CDH22: variants seen among roughly 807,000 people sequenced by gnomAD.
CDH22 encodes cadherin-22.
CDH22 carries 30 observed loss-of-function variants against 58.4 expected under a neutral mutation model. The ratio of observed to expected loss-of-function variants is 0.51; its 90% CI spans 0.38 to 0.70. The LOEUF is 0.70. Among genes scored for constraint, CDH22 ranks in the 30% least tolerant of loss-of-function variants. The pLI is 0.00. For missense variants in CDH22, 1,014 were observed against 1,233.9 expected, an observed-to-expected ratio of 0.82 and a Z score of 2.67; for synonymous variants, 513 against 558.2, an observed-to-expected ratio of 0.92 and a Z score of 1.14.
intron 1 of CDH22, among the ~76,000 whole-genome samples, chr20:46,307,212 C>T (rs1291827351): frequency 1.3e-5 from 2 of 152,226 alleles, no homozygotes; most frequent in Non-Finnish European, 2.9e-5. Context: ...CAAACAGCAG[C>T]TTCTCTGCCC....
chr20:46,299,594 C>T (rs954877593), intron 1 of CDH22, among the ~76,000 whole-genome samples: 2 of 151,412 alleles, frequency 1.3e-5, no homozygotes, highest in Non-Finnish European at 2.9e-5. Context: ...CACGCCTGTG[C>T]GAGACTCCGT....
intron 2 of CDH22, among the ~76,000 whole-genome samples, chr20:46,245,595 A>T (rs560344381): frequency 6.6e-6 from 1 of 152,212 alleles, no homozygotes; most frequent in Non-Finnish European, 1.5e-5. Context: ...AGGGCCAAGC[A>T]TCTGGCTGTT....
chr20:46,235,253 G>T (rs2086244882), intron 3 of CDH22, among the ~76,000 whole-genome samples: 1 of 152,220 alleles, frequency 6.6e-6, no homozygotes, highest in Non-Finnish European at 1.5e-5. Context: ...GTTGAGCTGG[G>T]TGTGGGAGAC....
intron 1 of CDH22, among the ~76,000 whole-genome samples, chr20:46,297,058 T>C (rs2086632028): frequency 6.6e-6 from 1 of 152,064 alleles, no homozygotes; most frequent in African/African-American, 2.4e-5. Context: ...CTGGCTGAGT[T>C]GATGCAGAGA....
intron 8 of CDH22, among the ~76,000 whole-genome samples, chr20:46,198,059 T>C (rs1054703479): frequency 1.3e-5 from 2 of 152,090 alleles, no homozygotes; most frequent in African/African-American, 2.4e-5. Context: ...GCTCTGTTGA[T>C]GCCTGAGACC....
At position 46,308,017 on chromosome 20, in the gene CDH22, G is replaced by C. The variant is rs1555809072; in HGVS notation, c.-400+238C>G. On this transcript the variant is annotated intron_variant, in intron 1 of 11. Transcript: ENST00000537909. This position sits in a 1 kb window ranked among gnomAD's most constrained non-coding sequence, Gnocchi z 4.3. ...AGCTGCGGGCTTCGGGCCGAGAGGC[G>C]GCTCGGCTCCGCGCCGGGGAAAGTT... Among the ~76,000 whole-genome samples the C allele has an allele frequency of 6.6e-6, 1 of 151,716 alleles. No individual in the cohort carries two copies. Among genetic ancestry groups the C allele is most frequent in the African/African-American group, 2.4e-5 (1 of 41,356 alleles).
At chr20:46,186,185 A>C (rs559453663) in intron 10 of CDH22, among the ~76,000 whole-genome samples, 26 of 148,992 alleles carry the variant, frequency 1.7e-4, no homozygotes, top group African/African-American at 6.3e-4. Flanking sequence ...CCTGGCTGAC[A>C]GAGCGAGACC....
At chr20:46,195,613 G>GC (rs2085893830) in intron 8 of CDH22, among the ~76,000 whole-genome samples, 7 of 136,510 alleles carry the variant, frequency 5.1e-5, no homozygotes, top group African/African-American at 8.8e-5. Flanking sequence ...GTCTCCCCTA[G>GC]ACCCCCCCCC....
chr20:46,200,603 G>T (rs1489619549), intron 7 of CDH22, among the ~76,000 whole-genome samples: 3 of 152,154 alleles, frequency 2.0e-5, no homozygotes, highest in Non-Finnish European at 4.4e-5. Context: ...TTCCCTAAGA[G>T]GTGCCCCTGG....
intron 3 of CDH22, among the ~76,000 whole-genome samples, chr20:46,228,842 AG>A (rs2086199482): frequency 6.6e-6 from 1 of 152,118 alleles, no homozygotes; most frequent in African/African-American, 2.4e-5. Context: ...CTGGCTAATG[AG>A]TGAGAATCTG....
At chr20:46,186,264 A>C (rs1049597825) in intron 10 of CDH22, among the ~76,000 whole-genome samples, 2 of 151,646 alleles carry the variant, frequency 1.3e-5, no homozygotes, top group Non-Finnish European at 2.9e-5. Context: ...GAGTGTGTGC[A>C]CGTGGCTTAC....
At chr20:46,188,990 G>A (rs1293375335) in intron 8 of CDH22, among the ~76,000 whole-genome samples, 1 of 152,128 alleles carries the variant, frequency 6.6e-6, no homozygotes, top group Non-Finnish European at 1.5e-5. Flanking sequence ...TTCACGGGGA[G>A]TGGGACTGGT....
In CDH22 at chr20:46,185,041, G is replaced by A. The variant is rs111967422; in HGVS notation, c.1663+1547C>T. 8.1e-3 allele frequency among the ~76,000 whole-genome samples: 1,237 copies of A among 151,922 alleles called. 7 individuals carry two copies. The highest frequency in any genetic ancestry group is 0.02 in the African/African-American group (844 of 41,410). On this transcript the variant is annotated intron_variant, in intron 10 of 11. Coordinates refer to ENST00000537909, the MANE Select transcript of CDH22 (RefSeq NM_021248.3). ...GCAGAGGTTGCAGTGAGCTGAGATC[G>A]CACCACTGCACTCCAGCCTGGGCAA...
chr20:46,279,209 T>A (rs2425846), intron 1 of CDH22, among the ~76,000 whole-genome samples: 4 of 152,104 alleles, frequency 2.6e-5, no homozygotes, highest in Non-Finnish European at 5.9e-5. Context: ...CTCGGTATAT[T>A]ATAACTATTA....
chr20:46,250,363 T>C (rs985334631), intron 2 of CDH22, among the ~76,000 whole-genome samples: 1 of 152,376 alleles, frequency 6.6e-6, no homozygotes, highest in South Asian at 2.1e-4. Flanking sequence ...TAAAGTGTTA[T>C]GAAGGAAAGA....
rs556686987 is a variant in CDH22, at chr20:46,283,401, A to G, written c.-400+24854T>C. Among the ~76,000 whole-genome samples the G allele has an allele frequency of 8.3e-4, 127 of 152,186 alleles. 1 individual carries two copies. Among genetic ancestry groups the G allele is most frequent in the Non-Finnish European group, 1.3e-3 (87 of 67,966 alleles). ...TGGTCTTCCACTTTCCCATCCGTAC[A>G]CTGCAGTAATGATAGGAACTGCCCC... On this transcript the variant is annotated intron_variant, in intron 1 of 11. Coordinates refer to ENST00000537909, the MANE Select transcript of CDH22 (RefSeq NM_021248.3).
intron 1 of CDH22, among the ~76,000 whole-genome samples, chr20:46,289,548 C>T (rs565052433): frequency 6.6e-6 from 1 of 152,244 alleles, no homozygotes; most frequent in East Asian, 1.9e-4. Flanking sequence ...TGTCTGTCTC[C>T]CCCAGCAGAC....
intron 10 of CDH22, among the ~76,000 whole-genome samples, 169 bp downstream of exon 10, chr20:46,186,419 G>C (rs1406219656): frequency 1.3e-5 from 2 of 151,664 alleles, no homozygotes; most frequent in Non-Finnish European, 1.5e-5. Flanking sequence ...CACCCTGCTT[G>C]TGTTTGGCCA....
At position 46,174,528 on chromosome 20, in the gene CDH22, TC is replaced by T; in HGVS notation, c.2464del (p.Asp822ThrfsTer82). 1 of 1,516,096 alleles carries T rather than the reference TC, an allele frequency of 6.6e-7. No homozygotes were observed. The allele number at this position is 1,516,096 out of a possible 1,614,324, so 93.9% of individuals were successfully genotyped here. ...GGGCTAGGAGGCCTGGGCCTCGTCG[TC>T]CCCGCGGTGGCCGGCGTAGAGCGCG... is the stretch of plus-strand genomic sequence containing the variant. ...LAALYAGHRG[D>X]DEAQAS On this transcript the variant is annotated frameshift_variant, in exon 12 of 12. Transcript: ENST00000537909. LOFTEE classifies it high-confidence loss of function. The surrounding 1 kb of genome is among the most constrained non-coding windows in gnomAD (Gnocchi z 4.4).
Sources: gnomAD v4.1 joint callset for allele counts (sites outside exome capture counted in the v4.1 genomes callset) on GRCh38, gnomAD v4.1.1 for gene constraint, Gnocchi (gnomAD v3.1) non-coding constraint, MANE v1.5 for transcripts, NCBI Gene and HGNC (gene_info 2026-07-23, HGNC 2026-07-21) for gene names.